SAMM50: variants seen among roughly 807,000 people sequenced by gnomAD.
SAMM50 encodes sorting and assembly machinery component 50 homolog.
SAMM50 carries 47 observed loss-of-function variants against 66.9 expected under a neutral mutation model. The observed-to-expected ratio is 0.70, with a 90% CI of 0.56 to 0.90. SAMM50 has a LOEUF of 0.90. Ranked by LOEUF, SAMM50 falls within the 40% of genes least tolerant of loss-of-function variation. The pLI is 0.00. For missense variants in SAMM50, 535 were observed against 595.3 expected (o/e 0.90, Z 1.05); for synonymous variants, 191 against 214.1 (o/e 0.89, Z 0.94).
chr22:43,988,154 G>A (rs1410070815), intron 12 of SAMM50: 1 of 152,146 alleles, frequency 6.6e-6, no homozygotes, highest in East Asian at 1.9e-4. Context: ...GAGAGAGGAG[G>A]AGTGGTTTCT....
intron 3 of SAMM50, among the ~76,000 whole-genome samples, chr22:43,966,433 C>T (rs2050173813): frequency 6.6e-6 from 1 of 152,096 alleles, no homozygotes; most frequent in Admixed American, 6.5e-5. Flanking sequence ...TCTTGGCTCA[C>T]TGCAACCTCC....
chr22:43,995,916 C>T (rs1217151475), intron 14 of SAMM50, among the ~76,000 whole-genome samples: 2 of 152,136 alleles, frequency 1.3e-5, no homozygotes, highest in Non-Finnish European at 2.9e-5. Context: ...TCCTAAGCCC[C>T]GGGACCTTCT....
intron 13 of SAMM50, 146 bp from the exon 14 acceptor site, chr22:43,990,119 A>G: frequency 1.2e-6 from 1 of 851,186 alleles, no homozygotes. Flanking sequence ...TCCTAATCTC[A>G]CTTCATGCAT....
chr22:43,973,199 G>T, intron 6 of SAMM50, 37 bp from the exon 7 acceptor site: 1 of 1,409,458 alleles, frequency 7.1e-7, no homozygotes, highest in Non-Finnish European at 1.0e-6. Flanking sequence ...TCTAATCACT[G>T]TTTCAGCTTT....
chr22:43,976,707 G>C (rs754373225), intron 8 of SAMM50, 43 bp from the exon 9 acceptor site: 31 of 1,464,414 alleles, frequency 2.1e-5, no homozygotes, highest in Non-Finnish European at 2.8e-5. Context: ...TTATCTAATA[G>C]AACTTCTTAA....
At chr22:43,981,313 G>A in intron 10 of SAMM50, 78 bp from the exon 11 acceptor site, 1 of 1,119,874 alleles carries the variant, frequency 8.9e-7, no homozygotes, top group Non-Finnish European at 1.4e-6. Context: ...TTCAGTGTGT[G>A]GCCAGTTGCT....
At chr22:43,994,528 G>A (rs1173746627) in intron 14 of SAMM50, among the ~76,000 whole-genome samples, 1 of 152,174 alleles carries the variant, frequency 6.6e-6, no homozygotes, top group African/African-American at 2.4e-5. Flanking sequence ...CCCCATGCTG[G>A]GTGCTTCCTG....
chr22:43,967,960 G>A (rs2050181951), intron 3 of SAMM50, among the ~76,000 whole-genome samples: 1 of 152,154 alleles, frequency 6.6e-6, no homozygotes, highest in Non-Finnish European at 1.5e-5. Flanking sequence ...GGTGGCTCAT[G>A]CCTGTAGTCC....
In SAMM50 at chr22:43,996,375, T is replaced by G. The variant is rs1240523666; in HGVS notation, c.1402T>G (p.Phe468Val). The change falls in exon 15 of 15, where the codon TTC becomes GTC. Residue 468 changes from phenylalanine to valine, a missense_variant. By Grantham distance (50) the Phe-to-Val change is conservative. Transcript: ENST00000350028. ...DGVQFGAGIR[F>V]L ...CGTCCAGTTTGGAGCTGGGATAAGGTTCCTGTAGCCGACACCCCTACAGGA... is the reference window on the plus strand; with the variant it reads ...CGTCCAGTTTGGAGCTGGGATAAGGGTCCTGTAGCCGACACCCCTACAGGA... The G allele has an allele frequency of 1.6e-5, 26 of 1,614,018 alleles. No individual in the cohort carries two copies. The highest frequency in any genetic ancestry group is 2.2e-5 in the Non-Finnish European group (26 of 1,180,012).
intron 1 of SAMM50, chr22:43,957,262 A>C: frequency 1.5e-6 from 1 of 663,798 alleles, no homozygotes; most frequent in Non-Finnish European, 2.8e-6. Flanking sequence ...AAACAATGGC[A>C]TGATTCGTGC....
rs139951037 is a variant in SAMM50, at chr22:43,983,702, G to A, written c.1008-231G>A. Among the ~76,000 whole-genome samples, 487 of 152,244 alleles carry A rather than the reference G, an allele frequency of 3.2e-3. 3 individuals are homozygous for A. Among genetic ancestry groups the A allele is most frequent in the African/African-American group, 0.011 (456 of 41,548 alleles). On this transcript the variant is annotated intron_variant, in intron 11 of 14. Coordinates refer to ENST00000350028, the MANE Select transcript of SAMM50 (RefSeq NM_015380.5). The surrounding 1 kb of genome is among the most constrained non-coding windows in gnomAD (Gnocchi z 4.2). ...CCTAGTGTGTTTCTTGGCATCTTGT[G>A]TCTCACCTGCATCTCCAAAGTTTGC...
intron 12 of SAMM50, chr22:43,987,553 A>T: frequency 6.6e-6 from 1 of 152,282 alleles, no homozygotes; most frequent in East Asian, 1.9e-4. Flanking sequence ...GCAAGGTCTG[A>T]TGTGGGGTGT....
rs778206083 is a variant in SAMM50 at position 43,989,250 on chromosome 22, C to T, written c.1215C>T (p.Leu405=). 5 of 1,613,988 alleles carry T rather than the reference C, an allele frequency of 3.1e-6. No homozygotes were observed. The South Asian group carries it at 3.3e-5, about 11-fold the overall frequency. Residue 405 remains leucine (L), a synonymous_variant, in exon 13 of 15, where the codon CTC becomes CTT. Transcript: ENST00000350028. The stretch of plus-strand genomic sequence containing the variant: ...TCAACGCAGGAAACCTCTGCAACCT[C>T]AACTATGGTAAAACTTGCGCTATTC... ...FFLNAGNLCN[L]NYGEGPKAHI... is the part of the protein sequence containing the mutation.
intron 3 of SAMM50, among the ~76,000 whole-genome samples, chr22:43,965,727 A>G (rs960759687): frequency 1.8e-4 from 15 of 81,300 alleles, no homozygotes; most frequent in African/African-American, 1.4e-3. Context: ...GCCATTCTCT[A>G]CATTTTTTTT....
intron 1 of SAMM50, among the ~76,000 whole-genome samples, chr22:43,958,719 C>T (rs1208428249): frequency 6.6e-6 from 1 of 152,058 alleles, no homozygotes; most frequent in Non-Finnish European, 1.5e-5. Flanking sequence ...CCTTGTGATC[C>T]ACCCGCCTCA....
intron 10 of SAMM50, among the ~76,000 whole-genome samples, chr22:43,980,502 A>T (rs2050259727): frequency 6.6e-6 from 1 of 151,398 alleles, no homozygotes; most frequent in Admixed American, 6.6e-5. Context: ...GGACAGCGGG[A>T]CACCTCGGGC....
rs757758374 is a variant in SAMM50 at position 43,990,314 on chromosome 22, G to C, written c.1272G>C (p.Trp424Cys). 6.2e-7 allele frequency: 1 copy of C among 1,614,174 alleles called. No individual in the cohort carries two copies. Among genetic ancestry groups the C allele is most frequent in the East Asian group, 2.2e-5 (1 of 44,870 alleles). The part of the protein sequence containing the change: ...HIRKLAECIR[W>C]SYGAGIVLRL... ...GTAAGCTGGCTGAGTGCATCCGCTG[G>C]TCGTACGGGGCCGGGATTGTCCTCA... The change falls in exon 14 of 15, where the codon TGG becomes TGC. Residue 424 changes from tryptophan to cysteine, a missense_variant. Physicochemically the swap from Trp to Cys is radical, Grantham distance 215. Coordinates refer to ENST00000350028, the MANE Select transcript of SAMM50 (RefSeq NM_015380.5).
chr22:43,988,251 T>C (rs2050304290), intron 12 of SAMM50: 1 of 152,186 alleles, frequency 6.6e-6, no homozygotes, highest in East Asian at 1.9e-4. Flanking sequence ...ATTAAGGAGA[T>C]GTTGGTGTCT....
chr22:43,958,690 G>T (rs991769908), intron 1 of SAMM50, among the ~76,000 whole-genome samples: 2 of 151,942 alleles, frequency 1.3e-5, no homozygotes, highest in African/African-American at 4.8e-5. Context: ...TGTTGGCCAG[G>T]ATGGTCTCAA....
Sources: allele counts gnomAD v4.1 joint callset (sites outside exome capture counted in the v4.1 genomes callset), GRCh38; gene constraint gnomAD v4.1.1; non-coding constraint Gnocchi (gnomAD v3.1); transcripts MANE v1.5; gene names NCBI Gene and HGNC (gene_info 2026-07-23, HGNC 2026-07-21).